Variants in HCN1 observed in about 807,000 individuals in gnomAD.
HCN1 encodes the protein hyperpolarization activated cyclic nucleotide gated potassium channel 1.
A neutral mutation model predicts 78.9 loss-of-function variants in HCN1; 13 were observed. The ratio of observed to expected loss-of-function variants is 0.16; its 90% CI spans 0.11 to 0.26. The LOEUF is 0.26. HCN1 is among the 10% of genes least tolerant of loss of function. The pLI is 1.00. For missense variants in HCN1, 810 were observed against 1,154.3 expected, an observed-to-expected ratio of 0.70 and a Z score of 4.32; for synonymous variants, 552 against 455.5, an observed-to-expected ratio of 1.21 and a Z score of -2.70.
chr5:45,648,212 T>C (rs1745586763), intron 1 of HCN1, among the ~76,000 whole-genome samples: 1 of 152,180 alleles, frequency 6.6e-6, no homozygotes, highest in Non-Finnish European at 1.5e-5. Flanking sequence ...TGAAAAATAC[T>C]CATTTCTACA....
At chr5:45,469,805 G>GTGTT (rs1374295510) in intron 2 of HCN1, among the ~76,000 whole-genome samples, 6 of 151,738 alleles carry the variant, frequency 4.0e-5, no homozygotes, top group Non-Finnish European at 2.9e-5. Context: ...GTGTGTGTGT[G>GTGTT]TGTTTGTGTG....
At chr5:45,485,042 A>T (rs148108528) in intron 2 of HCN1, among the ~76,000 whole-genome samples, 1 of 152,192 alleles carries the variant, frequency 6.6e-6, no homozygotes. Flanking sequence ...CTCATTATCC[A>T]TACATATGCC....
At chr5:45,268,990 A>G (rs1374296324) in intron 6 of HCN1, among the ~76,000 whole-genome samples, 5 of 152,236 alleles carry the variant, frequency 3.3e-5, no homozygotes, top group African/African-American at 4.8e-5. Context: ...ATTATGGCAA[A>G]CAAAGCTAAG....
chr5:45,371,764 A>AT (rs1290643379), intron 4 of HCN1, among the ~76,000 whole-genome samples: 5 of 143,226 alleles, frequency 3.5e-5, no homozygotes, highest in African/African-American at 1.3e-4. Context: ...CTCAAAAAAA[A>AT]AAATATATAT....
chr5:45,359,961 T>A (rs185946877), intron 4 of HCN1, among the ~76,000 whole-genome samples: 2,048 of 149,284 alleles, frequency 0.014, 21 homozygotes, highest in Middle Eastern at 0.062. Context: ...ATATATATAT[T>A]TTTTTTACCT....
chr5:45,318,258 T>C (rs1447979329), intron 5 of HCN1, among the ~76,000 whole-genome samples: 1 of 152,162 alleles, frequency 6.6e-6, no homozygotes, highest in Non-Finnish European at 1.5e-5. Flanking sequence ...ATTCATGTCC[T>C]TTGTAGGGAC....
chr5:45,689,461 C>T (rs1006541031), intron 1 of HCN1, among the ~76,000 whole-genome samples: 1 of 151,980 alleles, frequency 6.6e-6, no homozygotes, highest in African/African-American at 2.4e-5. Flanking sequence ...TTCTGCTGAA[C>T]AGAAAGCCTA....
At chr5:45,271,148 TG>T (rs1339245744) in intron 6 of HCN1, among the ~76,000 whole-genome samples, 6 of 152,278 alleles carry the variant, frequency 3.9e-5, no homozygotes, top group Admixed American at 3.9e-4. Context: ...TTTTCTATGT[TG>T]CCATCTCAGT....
chr5:45,425,099 G>C (rs1004646145), intron 3 of HCN1, among the ~76,000 whole-genome samples: 2 of 152,138 alleles, frequency 1.3e-5, no homozygotes, highest in African/African-American at 4.8e-5. Context: ...TGACAGCAAG[G>C]GATAAGTGGT....
At chr5:45,467,348 A>G (rs1194099542) in intron 2 of HCN1, among the ~76,000 whole-genome samples, 1 of 152,106 alleles carries the variant, frequency 6.6e-6, no homozygotes, top group African/African-American at 2.4e-5. Context: ...GTCCAGCTAT[A>G]TAAAAAATTA....
At chr5:45,413,367 G>A (rs1008557287) in intron 3 of HCN1, among the ~76,000 whole-genome samples, 6 of 152,042 alleles carry the variant, frequency 3.9e-5, no homozygotes, top group Non-Finnish European at 7.4e-5. Context: ...TTTGCCAGAA[G>A]AGGTAAATGT....
chr5:45,339,124 G>C (rs1308500760), intron 5 of HCN1, among the ~76,000 whole-genome samples: 2 of 152,172 alleles, frequency 1.3e-5, no homozygotes, highest in Middle Eastern at 3.4e-3. Flanking sequence ...TTCTTAGTAT[G>C]ATTTTCATTC....
chr5:45,608,925 A>G (rs1204312414), intron 2 of HCN1, among the ~76,000 whole-genome samples: 1 of 152,076 alleles, frequency 6.6e-6, no homozygotes, highest in Non-Finnish European at 1.5e-5. Flanking sequence ...TCAGTAGAAG[A>G]AAAAAATGGC....
intron 6 of HCN1, among the ~76,000 whole-genome samples, chr5:45,268,283 T>A (rs1166988380): frequency 1.3e-5 from 2 of 152,232 alleles, no homozygotes; most frequent in African/African-American, 4.8e-5. Flanking sequence ...TGAAGCTATA[T>A]AGCTATTAAG....
intron 2 of HCN1, among the ~76,000 whole-genome samples, chr5:45,583,514 T>C (rs1259692792): frequency 2.0e-5 from 3 of 152,212 alleles, no homozygotes; most frequent in East Asian, 3.8e-4. Flanking sequence ...GTTTTTTGTG[T>C]CTCTATTTTC....
intron 2 of HCN1, among the ~76,000 whole-genome samples, chr5:45,557,252 A>G (rs1743488747): frequency 6.6e-6 from 1 of 151,890 alleles, no homozygotes; most frequent in Non-Finnish European, 1.5e-5. Flanking sequence ...GTTTTCTTCA[A>G]TGCAATACAC....
chr5:45,360,177 G>A (rs888705899), intron 4 of HCN1, among the ~76,000 whole-genome samples: 29 of 151,242 alleles, frequency 1.9e-4, no homozygotes, highest in Non-Finnish European at 3.0e-4. Flanking sequence ...TATAAACACA[G>A]CAATGCTAAA....
rs1305480018 is a variant in HCN1, at chr5:45,533,258, T to A, written c.850-71251A>T. Among the ~76,000 whole-genome samples the A allele has an allele frequency of 2.0e-5, 3 of 152,264 alleles. No homozygotes were observed. The East Asian group carries it at 5.8e-4, about 29-fold the overall frequency. On this transcript the variant is annotated intron_variant, in intron 2 of 7. Coordinates refer to ENST00000303230, the MANE Select transcript of HCN1 (RefSeq NM_021072.4). ...AATTAGAAAAGTAAAAATTCTTACTTGTTCACTATAACTCAAAAATATAAT... is the reference window on the plus strand; with the variant it reads ...AATTAGAAAAGTAAAAATTCTTACTAGTTCACTATAACTCAAAAATATAAT...
intron 3 of HCN1, among the ~76,000 whole-genome samples, chr5:45,403,709 C>T (rs933982721): frequency 2.0e-5 from 3 of 151,916 alleles, no homozygotes; most frequent in Non-Finnish European, 2.9e-5. Context: ...CATATCAGGG[C>T]TCAAGGAGAA....
Sources: allele counts gnomAD v4.1 joint callset (sites outside exome capture counted in the v4.1 genomes callset), GRCh38; gene constraint gnomAD v4.1.1; transcripts MANE v1.5; gene names NCBI Gene and HGNC (gene_info 2026-07-23, HGNC 2026-07-21).